TSPAN7: variants seen among roughly 807,000 people sequenced by gnomAD.
The protein encoded by TSPAN7 is tetraspanin-7.
TSPAN7 carries 1 observed loss-of-function variant against 17.6 expected under a neutral mutation model. The observed-to-expected ratio is 0.06, with a 90% CI of 0.02 to 0.27. The LOEUF (loss-of-function observed/expected upper bound fraction) is 0.27, where lower values mean the gene tolerates loss of function less well. TSPAN7 is among the 10% of genes least tolerant of loss of function. The probability of loss-of-function intolerance (pLI) is 1.00; values close to 1 mark genes in which losing one functional copy is unlikely to be tolerated. For missense variants in TSPAN7, 112 were observed against 201.7 expected, an observed-to-expected ratio of 0.56 and a Z score of 2.69; for synonymous variants, 78 against 79.0, an observed-to-expected ratio of 0.99 and a Z score of 0.07.
chrX:38,597,162 C>A (rs993185076), intron 1 of TSPAN7, among the ~76,000 whole-genome samples: 2 of 111,141 alleles, frequency 1.8e-5, no homozygotes, highest in Non-Finnish European at 3.8e-5. Flanking sequence ...CTATTTGTAA[C>A]CCCCAAATCG....
intron 1 of TSPAN7, among the ~76,000 whole-genome samples, chrX:38,561,895 T>A (rs985438594): frequency 1.5e-4 from 16 of 110,263 alleles, no homozygotes; most frequent in Non-Finnish European, 2.9e-4. Context: ...AAAAAAAAAA[T>A]GTTAATGCAT....
intron 1 of TSPAN7, among the ~76,000 whole-genome samples, chrX:38,595,446 A>G (rs2069314301): frequency 8.9e-6 from 1 of 111,957 alleles, no homozygotes; most frequent in African/African-American, 3.2e-5. Context: ...TTCTCAATTC[A>G]TAGCTTGAGC....
At chrX:38,674,664 C>T (rs775635653) in intron 4 of TSPAN7, among the ~76,000 whole-genome samples, 11 of 111,575 alleles carry the variant, frequency 9.9e-5, no homozygotes, top group Non-Finnish European at 2.1e-4. Flanking sequence ...TTTCTGGAAT[C>T]GATGTCTTCA....
At chrX:38,583,319 T>G (rs2069237808) in intron 1 of TSPAN7, among the ~76,000 whole-genome samples, 1 of 112,404 alleles carries the variant, frequency 8.9e-6, no homozygotes, top group Non-Finnish European at 1.9e-5. Flanking sequence ...ACGCTCTCCC[T>G]GCCACTCTAG....
At chrX:38,603,979 G>A (rs1469167556) in intron 1 of TSPAN7, among the ~76,000 whole-genome samples, 1 of 98,780 alleles carries the variant, frequency 1.0e-5, no homozygotes, top group Non-Finnish European at 2.0e-5. Context: ...CCATTAACTC[G>A]TCATTTAGCA....
chrX:38,627,426 T>C (rs531870489), intron 1 of TSPAN7, among the ~76,000 whole-genome samples: 1 of 112,243 alleles, frequency 8.9e-6, no homozygotes, highest in South Asian at 3.7e-4. Context: ...TAAATGGAGA[T>C]GCTAACACTT....
intron 1 of TSPAN7, among the ~76,000 whole-genome samples, chrX:38,603,830 T>C (rs1237268309): frequency 2.8e-5 from 3 of 109,022 alleles, no homozygotes; most frequent in East Asian, 5.7e-4. Context: ...TATTTTTTTG[T>C]TGTTTTTCTT....
At chrX:38,665,631 T>C (rs866567446) in intron 1 of TSPAN7, among the ~76,000 whole-genome samples, 62 of 112,148 alleles carry the variant, frequency 5.5e-4, no homozygotes, top group Non-Finnish European at 1.0e-3. Flanking sequence ...ATTTGGAATA[T>C]TTTGTTTTTG....
intron 2 of TSPAN7, among the ~76,000 whole-genome samples, chrX:38,668,082 A>T (rs1193247066): frequency 8.9e-6 from 1 of 112,250 alleles, no homozygotes; most frequent in Admixed American, 9.4e-5. Context: ...CCATCCATTC[A>T]AACAAGAAGG....
chrX:38,588,299 G>A (rs2069270298), intron 1 of TSPAN7, among the ~76,000 whole-genome samples: 1 of 110,855 alleles, frequency 9.0e-6, no homozygotes, highest in South Asian at 3.8e-4. Flanking sequence ...TTTGCATGAT[G>A]GCAAAAAATG....
At chrX:38,614,348 T>C (rs2069441137) in intron 1 of TSPAN7, among the ~76,000 whole-genome samples, 1 of 112,120 alleles carries the variant, frequency 8.9e-6, no homozygotes, top group Non-Finnish European at 1.9e-5. Context: ...ATATTATCCT[T>C]AGTTTACAAA....
In TSPAN7 at chrX:38,657,500, G is replaced by C; in HGVS notation, c.82-8621G>C. Among the ~76,000 whole-genome samples the C allele has an allele frequency of 1.8e-5, 2 of 111,958 alleles. 1 individual carries two copies. Among genetic ancestry groups the C allele is most frequent in the Admixed American group, 1.9e-4 (2 of 10,558 alleles). On this transcript the variant is annotated intron_variant, in intron 1 of 7. Transcript: ENST00000378482. ...GCCACCCTCCAGCTAAACTCCCCAG[G>C]ATGAGTACAGAGCCCAGCAGGTGCA...
At chrX:38,653,864 C>CATT (rs1479240913) in intron 1 of TSPAN7, among the ~76,000 whole-genome samples, 1 of 112,351 alleles carries the variant, frequency 8.9e-6, no homozygotes, top group Non-Finnish European at 1.9e-5. Context: ...GTGCTGCACC[C>CATT]ATTAACTCGT....
At chrX:38,615,816 C>T (rs1015516905) in intron 1 of TSPAN7, among the ~76,000 whole-genome samples, 3 of 111,908 alleles carry the variant, frequency 2.7e-5, no homozygotes, top group African/African-American at 9.8e-5. Context: ...TCTGCTATTC[C>T]AAAGCCAGAT....
At chrX:38,683,414 G>A (rs2069904858) in intron 6 of TSPAN7, among the ~76,000 whole-genome samples, 1 of 112,870 alleles carries the variant, frequency 8.9e-6, no homozygotes, top group Non-Finnish European at 1.9e-5. Context: ...GACCCTCTAG[G>A]CCAGTAAGAG....
chrX:38,583,024 C>A (rs2069235600), intron 1 of TSPAN7, among the ~76,000 whole-genome samples: 1 of 111,913 alleles, frequency 8.9e-6, no homozygotes, highest in Admixed American at 9.5e-5. Context: ...GTTTTCCTAC[C>A]TCTAGCCTCA....
chrX:38,621,300 G>A (rs1160090122), intron 1 of TSPAN7, among the ~76,000 whole-genome samples: 2 of 112,181 alleles, frequency 1.8e-5, no homozygotes, highest in African/African-American at 6.5e-5. Flanking sequence ...AGGAGTTTGA[G>A]AAGTCCTGGG....
At chrX:38,565,888 C>A (rs1383841380) in intron 1 of TSPAN7, among the ~76,000 whole-genome samples, 1 of 111,452 alleles carries the variant, frequency 9.0e-6, no homozygotes, top group Non-Finnish European at 1.9e-5. Flanking sequence ...CATTTTTGGC[C>A]ATAGCTGGAG....
intron 1 of TSPAN7, among the ~76,000 whole-genome samples, chrX:38,604,119 G>A (rs1462916220): frequency 6.2e-5 from 6 of 96,876 alleles, no homozygotes; most frequent in Admixed American, 1.2e-4. Context: ...GAGAATATGC[G>A]GTGTTTGGTT....
Sources: allele counts gnomAD v4.1 joint callset (sites outside exome capture counted in the v4.1 genomes callset), GRCh38; gene constraint gnomAD v4.1.1; transcripts MANE v1.5; gene names NCBI Gene and HGNC (gene_info 2026-07-23, HGNC 2026-07-21).